PTPRO: variants seen among roughly 807,000 people sequenced by gnomAD.
The protein encoded by PTPRO is receptor-type tyrosine-protein phosphatase O.
Under a neutral mutation model 145.2 loss-of-function variants are expected in PTPRO, and 62 were observed. The ratio of observed to expected loss-of-function variants is 0.43; its 90% CI spans 0.35 to 0.53. PTPRO has a LOEUF of 0.53. PTPRO is among the 20% of genes least tolerant of loss of function. The pLI is 0.01. For synonymous variants in PTPRO, 565 were observed against 514.7 expected, an observed-to-expected ratio of 1.10 and a Z score of -1.32; for missense variants, 1,345 against 1,482.7, an observed-to-expected ratio of 0.91 and a Z score of 1.53.
At chr12:15,425,709 A>C (rs1234351442) in intron 1 of PTPRO, among the ~76,000 whole-genome samples, 2 of 68,988 alleles carry the variant, frequency 2.9e-5, no homozygotes, top group Non-Finnish European at 6.4e-5. Flanking sequence ...TTTATTTGAA[A>C]TGATAAATTA....
intron 1 of PTPRO, among the ~76,000 whole-genome samples, chr12:15,431,362 T>C (rs1449072954): frequency 1.3e-5 from 2 of 152,226 alleles, no homozygotes; most frequent in Non-Finnish European, 2.9e-5. Context: ...CCTTCAAAAA[T>C]TATACCTTTT....
intron 19 of PTPRO, among the ~76,000 whole-genome samples, chr12:15,574,770 T>G (rs2135626512): frequency 1.3e-5 from 2 of 152,358 alleles, no homozygotes; most frequent in East Asian, 3.9e-4. Context: ...ACTTGTTGGA[T>G]TTTTTGTAAT....
At chr12:15,373,701 T>C (rs1938598089) in intron 1 of PTPRO, among the ~76,000 whole-genome samples, 1 of 152,202 alleles carries the variant, frequency 6.6e-6, no homozygotes, top group South Asian at 2.1e-4. Flanking sequence ...AACATAGAAA[T>C]TGACAATGAA....
Position 15,497,386 on chromosome 12 carries a change from G to A in PTPRO, c.491G>A (p.Arg164Gln), listed in dbSNP as rs983868771. ...AGCTACTGGGAAGGTAAAGACTTCCGGACAATGCTATATAAAGGTAAGCAG... is the reference window on the plus strand; with the variant it reads ...AGCTACTGGGAAGGTAAAGACTTCCAGACAATGCTATATAAAGGTAAGCAG... The part of the protein sequence containing the change: ...NISYWEGKDF[R>Q]TMLYKDFFKG... Residue 164 changes from arginine (R) to glutamine (Q), a missense_variant, in exon 3 of 27, where the codon CGG becomes CAG. Arg to Gln is a conservative substitution (Grantham distance 43). Transcript: ENST00000281171. The A allele has an allele frequency of 6.8e-6, 11 of 1,613,270 alleles. No individual in the cohort carries two copies. Among genetic ancestry groups the A allele is most frequent in the East Asian group, 4.5e-5 (2 of 44,794 alleles).
At chr12:15,483,607 A>G (rs920077976) in intron 1 of PTPRO, among the ~76,000 whole-genome samples, 1 of 152,124 alleles carries the variant, frequency 6.6e-6, no homozygotes, top group African/African-American at 2.4e-5. Context: ...TTGCCAGCAC[A>G]GTTGAAACCA....
chr12:15,467,534 A>C (rs980759961), intron 1 of PTPRO, among the ~76,000 whole-genome samples: 3 of 151,280 alleles, frequency 2.0e-5, no homozygotes, highest in Non-Finnish European at 4.4e-5. Context: ...CCCCAATACC[A>C]CCCTAGTCCT....
At chr12:15,409,546 A>C (rs187251675) in intron 1 of PTPRO, among the ~76,000 whole-genome samples, 1 of 152,186 alleles carries the variant, frequency 6.6e-6, no homozygotes, top group African/African-American at 2.4e-5. Flanking sequence ...TTACATTGCT[A>C]TAAAGAAATG....
At position 15,501,723 on chromosome 12, in the gene PTPRO, A is replaced by G. The variant is rs774441622; in HGVS notation, c.765A>G (p.Ser255=). Residue 255 remains serine, a synonymous_variant, in exon 5 of 27, where the codon TCA becomes TCG. Coordinates refer to ENST00000281171, the MANE Select transcript of PTPRO (RefSeq NM_030667.3). Reference sequence around the variant, plus strand: ...TCCCAGAAGAATCCTTCATGAGATCACAAGATACAATAGGAAAAGAAAAAC... The same window carrying G: ...TCCCAGAAGAATCCTTCATGAGATCGCAAGATACAATAGGAAAAGAAAAAC... ...GNFPEESFMR[S]QDTIGKEKLF... 1.2e-6 allele frequency: 2 copies of G among 1,614,000 alleles called. No homozygotes were observed. Among genetic ancestry groups the G allele is most frequent in the South Asian group, 1.1e-5 (1 of 91,074 alleles).
chr12:15,413,287 G>C (rs1336397194), intron 1 of PTPRO, among the ~76,000 whole-genome samples: 2 of 152,026 alleles, frequency 1.3e-5, no homozygotes, highest in Non-Finnish European at 1.5e-5. Context: ...TATAGATATG[G>C]GGTTTCACCA....
chr12:15,358,350 T>A (rs150991829), intron 1 of PTPRO, among the ~76,000 whole-genome samples: 115 of 151,816 alleles, frequency 7.6e-4, no homozygotes, highest in Non-Finnish European at 1.5e-3. Context: ...AACCTGCACA[T>A]TGTGCACATG....
chr12:15,513,092 G>GAAAGAAGA (rs796145717), intron 7 of PTPRO, among the ~76,000 whole-genome samples: 1 of 19,638 alleles, frequency 5.1e-5, no homozygotes, highest in African/African-American at 1.3e-4. Flanking sequence ...AAGAAAGAAA[G>GAAAGAAGA]AAGAAAGAAA....
At chr12:15,479,657 T>A (rs1176537320) in intron 1 of PTPRO, among the ~76,000 whole-genome samples, 1 of 152,198 alleles carries the variant, frequency 6.6e-6, no homozygotes, top group African/African-American at 2.4e-5. Flanking sequence ...AAGTTCTTGC[T>A]CAGATAGGAG....
chr12:15,453,320 A>T (rs1941094286), intron 1 of PTPRO, among the ~76,000 whole-genome samples: 1 of 152,062 alleles, frequency 6.6e-6, no homozygotes, highest in Non-Finnish European at 1.5e-5. Context: ...TTCAGTCTCA[A>T]AAAAAAGAAA....
At chr12:15,479,154 G>A (rs1267084514) in intron 1 of PTPRO, among the ~76,000 whole-genome samples, 2 of 152,138 alleles carry the variant, frequency 1.3e-5, no homozygotes, top group Non-Finnish European at 2.9e-5. Context: ...GTTTATGAAG[G>A]GGAAGAAGGC....
intron 1 of PTPRO, among the ~76,000 whole-genome samples, chr12:15,371,295 C>G (rs1161919388): frequency 6.6e-6 from 1 of 151,050 alleles, no homozygotes; most frequent in Non-Finnish European, 1.5e-5. Flanking sequence ...TGCAGTGGTG[C>G]AATCTCGGCT....
intron 1 of PTPRO, among the ~76,000 whole-genome samples, chr12:15,372,847 C>G (rs1591753001): frequency 6.6e-6 from 1 of 152,210 alleles, no homozygotes; most frequent in East Asian, 1.9e-4. Flanking sequence ...AATAGACTAT[C>G]TTAGTCAGTG....
intron 1 of PTPRO, among the ~76,000 whole-genome samples, chr12:15,468,621 A>G (rs2136411168): frequency 6.6e-6 from 1 of 152,246 alleles, no homozygotes; most frequent in South Asian, 2.1e-4. Flanking sequence ...TTTCTTAACA[A>G]TGCTTTTTCC....
At chr12:15,371,787 C>T (rs954633257) in intron 1 of PTPRO, among the ~76,000 whole-genome samples, 2 of 152,038 alleles carry the variant, frequency 1.3e-5, no homozygotes, top group African/African-American at 2.4e-5. Flanking sequence ...GTGGTTTCCC[C>T]CATGCTGTTC....
intron 12 of PTPRO, among the ~76,000 whole-genome samples, chr12:15,544,506 C>CAAAAAAAAAAAA (rs61249816): frequency 1.4e-5 from 1 of 73,232 alleles, no homozygotes; most frequent in Non-Finnish European, 2.7e-5. Context: ...GACTCCATCT[C>CAAAAAAAAAAAA]AAAAAAAAAA....
Sources: allele counts gnomAD v4.1 joint callset (sites outside exome capture counted in the v4.1 genomes callset), GRCh38; gene constraint gnomAD v4.1.1; transcripts MANE v1.5; gene names NCBI Gene and HGNC (gene_info 2026-07-23, HGNC 2026-07-21).